The following TBL1XR1 variants were observed in gnomAD, a reference collection of about 807,000 sequenced individuals.
The protein encoded by TBL1XR1 is F-box-like/WD repeat-containing protein TBL1XR1.
TBL1XR1 carries 5 observed loss-of-function variants against 66.9 expected under a neutral mutation model. The ratio of observed to expected loss-of-function variants is 0.07; its 90% CI spans 0.04 to 0.16. The LOEUF is 0.16. TBL1XR1 is among the 10% of genes least tolerant of loss of function. The pLI, the probability that TBL1XR1 is intolerant of heterozygous loss-of-function variation, is 1.00. For synonymous variants in TBL1XR1, 210 were observed against 206.0 expected, an observed-to-expected ratio of 1.02 and a Z score of -0.17; for missense variants, 238 against 623.2, an observed-to-expected ratio of 0.38 and a Z score of 6.58.
intron 1 of TBL1XR1, among the ~76,000 whole-genome samples, chr3:177,173,859 A>G (rs1193805539): frequency 1.3e-5 from 2 of 152,224 alleles, no homozygotes; most frequent in South Asian, 2.1e-4. Flanking sequence ...ATCTAAAATT[A>G]TTTCAAAAGT....
chr3:177,119,992 T>C (rs1021221756), intron 1 of TBL1XR1, among the ~76,000 whole-genome samples: 7 of 152,194 alleles, frequency 4.6e-5, no homozygotes, highest in African/African-American at 1.7e-4. Flanking sequence ...AAGGTGAATC[T>C]AGTTATACTC....
intron 4 of TBL1XR1, among the ~76,000 whole-genome samples, chr3:177,053,519 G>C (rs573186772): frequency 6.6e-6 from 1 of 152,312 alleles, no homozygotes; most frequent in East Asian, 1.9e-4. Flanking sequence ...CAATGCTGTT[G>C]TGTTAATAAA....
intron 1 of TBL1XR1, among the ~76,000 whole-genome samples, chr3:177,113,633 C>T (rs1179053718): frequency 6.6e-6 from 1 of 152,102 alleles, no homozygotes; most frequent in Non-Finnish European, 1.5e-5. Flanking sequence ...GAGTTTGTGA[C>T]TAGCCTGGGC....
chr3:177,030,017 T>A (rs1289059363), intron 14 of TBL1XR1, among the ~76,000 whole-genome samples: 1 of 151,954 alleles, frequency 6.6e-6, no homozygotes, highest in African/African-American at 2.4e-5. Context: ...GTATGCACGT[T>A]GAAGAGCAGT....
chr3:177,108,679 G>C (rs1360076081), intron 1 of TBL1XR1, among the ~76,000 whole-genome samples: 1 of 152,042 alleles, frequency 6.6e-6, no homozygotes, highest in African/African-American at 2.4e-5. Flanking sequence ...AGTATTAAAA[G>C]AACAAAAAGA....
intron 2 of TBL1XR1, among the ~76,000 whole-genome samples, chr3:177,091,528 T>C (rs969456508): frequency 2.0e-5 from 3 of 152,260 alleles, no homozygotes; most frequent in East Asian, 3.9e-4. Flanking sequence ...ACATGTTGTT[T>C]TGTCAGAAAG....
At chr3:177,133,267 A>G (rs935524785) in intron 1 of TBL1XR1, among the ~76,000 whole-genome samples, 7 of 151,882 alleles carry the variant, frequency 4.6e-5, no homozygotes, top group Admixed American at 3.9e-4. Context: ...AGCCTGGGCA[A>G]CAAGAGCAAA....
At chr3:177,144,533 C>G (rs1415778574) in intron 1 of TBL1XR1, among the ~76,000 whole-genome samples, 1 of 151,804 alleles carries the variant, frequency 6.6e-6, no homozygotes, top group Non-Finnish European at 1.5e-5. Context: ...GCGGGTGGAT[C>G]ATGAGGTCAG....
At chr3:177,115,272 CTGA>C (rs754687158) in intron 1 of TBL1XR1, among the ~76,000 whole-genome samples, 2 of 152,084 alleles carry the variant, frequency 1.3e-5, no homozygotes, top group Non-Finnish European at 2.9e-5. Context: ...GTTAAAAAAA[CTGA>C]TGATACTTTT....
chr3:177,175,965 G>C (rs1160025820), intron 1 of TBL1XR1, among the ~76,000 whole-genome samples: 2 of 151,364 alleles, frequency 1.3e-5, no homozygotes, highest in Non-Finnish European at 2.9e-5. Flanking sequence ...GCTGAGGCAG[G>C]AGAATGGCGG....
chr3:177,076,832 T>G (rs1438231982), intron 2 of TBL1XR1, among the ~76,000 whole-genome samples: 1 of 152,226 alleles, frequency 6.6e-6, no homozygotes, highest in Non-Finnish European at 1.5e-5. Flanking sequence ...ATTTAAGCAT[T>G]CTTTTTTCCT....
chr3:177,031,365 C>G (rs190169094), intron 14 of TBL1XR1, among the ~76,000 whole-genome samples: 1 of 150,430 alleles, frequency 6.6e-6, no homozygotes, highest in Admixed American at 6.6e-5. Context: ...GACAGGGTCT[C>G]ACTCTGTTGC....
intron 2 of TBL1XR1, among the ~76,000 whole-genome samples, chr3:177,093,455 C>T (rs1418269659): frequency 6.6e-6 from 1 of 152,094 alleles, no homozygotes. Flanking sequence ...TCATTCTTCA[C>T]AGAAGTACAA....
chr3:177,052,785 G>T (rs1284780392), intron 4 of TBL1XR1, among the ~76,000 whole-genome samples: 1 of 152,118 alleles, frequency 6.6e-6, no homozygotes. Flanking sequence ...AGAAGTAATG[G>T]GAAAAGCTCC....
intron 1 of TBL1XR1, chr3:177,131,430 A>G: frequency 2.0e-6 from 2 of 978,652 alleles, no homozygotes; most frequent in Non-Finnish European, 2.4e-6. Context: ...CTGGTCTTCC[A>G]AAGATACTTA....
At chr3:177,044,533 C>A (rs1383808301) in intron 10 of TBL1XR1, among the ~76,000 whole-genome samples, 3 of 151,930 alleles carry the variant, frequency 2.0e-5, no homozygotes, top group African/African-American at 7.3e-5. Context: ...CACTAAGGGG[C>A]AAGAAGAAAC....
chr3:177,163,512 A>AAAAAAAAAAAGAAAGCTCTTTGTGT (rs1732465580), intron 1 of TBL1XR1, among the ~76,000 whole-genome samples: 1 of 150,678 alleles, frequency 6.6e-6, no homozygotes, highest in Non-Finnish European at 1.5e-5. Flanking sequence ...CTCCGTCTGA[A>AAAAAAAAAAAGAAAGCTCTTTGTGT]AAAAAAAAAA....
intron 1 of TBL1XR1, among the ~76,000 whole-genome samples, chr3:177,195,356 C>T (rs1395179807): frequency 6.6e-6 from 1 of 150,858 alleles, no homozygotes; most frequent in East Asian, 1.9e-4. Flanking sequence ...ATTTGGGAAG[C>T]TTGCCATCAA....
intron 1 of TBL1XR1, among the ~76,000 whole-genome samples, chr3:177,138,902 G>A (rs764202186): frequency 6.6e-6 from 1 of 152,142 alleles, no homozygotes; most frequent in Admixed American, 6.5e-5. Flanking sequence ...CCTAGAAGGA[G>A]TACTGCTGGT....
Sources: allele counts gnomAD v4.1 joint callset (sites outside exome capture counted in the v4.1 genomes callset), GRCh38; gene constraint gnomAD v4.1.1; transcripts MANE v1.5; gene names NCBI Gene and HGNC (gene_info 2026-07-23, HGNC 2026-07-21).